Variants in PRKACB observed in about 807,000 individuals in gnomAD.
The protein encoded by PRKACB is cAMP-dependent protein kinase catalytic subunit beta.
In PRKACB, 16 loss-of-function variants were observed where a neutral mutation model predicts 51.4. That is an observed-to-expected ratio of 0.31 (90% CI 0.21 to 0.47). The LOEUF (loss-of-function observed/expected upper bound fraction) is 0.47. Ranked by LOEUF, PRKACB falls within the 20% of genes least tolerant of loss-of-function variation. The pLI, the probability that PRKACB is intolerant of heterozygous loss-of-function variation, is 1.00. For missense variants in PRKACB, 309 were observed against 464.5 expected (o/e 0.67, Z 3.08); for synonymous variants, 147 against 154.4 (o/e 0.95, Z 0.35).
intron 9 of PRKACB, among the ~76,000 whole-genome samples, chr1:84,226,242 G>C (rs1674571216): frequency 7.0e-6 from 1 of 143,726 alleles, no homozygotes; most frequent in Non-Finnish European, 1.5e-5. Context: ...TTCCTTTTTT[G>C]ATTAGACTTG....
chr1:84,100,636 G>A (rs1014246884), intron 1 of PRKACB, among the ~76,000 whole-genome samples: 1 of 152,070 alleles, frequency 6.6e-6, no homozygotes, highest in Non-Finnish European at 1.5e-5. Flanking sequence ...CCCTAACACA[G>A]TGAGGAAAAT....
chr1:84,095,212 G>A (rs1648829277), intron 1 of PRKACB, among the ~76,000 whole-genome samples: 1 of 150,862 alleles, frequency 6.6e-6, no homozygotes, highest in South Asian at 2.1e-4. Context: ...TTATTGTTCA[G>A]GGCCCTCAAT....
chr1:84,176,471 A>G (rs956683304), intron 1 of PRKACB, among the ~76,000 whole-genome samples: 6 of 151,820 alleles, frequency 4.0e-5, no homozygotes, highest in Non-Finnish European at 8.8e-5. Context: ...GAAATATTTT[A>G]TTTTTGGTAG....
At chr1:84,125,417 C>T (rs1275296594) in intron 1 of PRKACB, among the ~76,000 whole-genome samples, 1 of 152,162 alleles carries the variant, frequency 6.6e-6, no homozygotes, top group East Asian at 1.9e-4. Context: ...TAGATCGGGC[C>T]CACCTAAGTA....
chr1:84,079,764 C>T (rs979224336), intron 1 of PRKACB, among the ~76,000 whole-genome samples: 1 of 152,132 alleles, frequency 6.6e-6, no homozygotes, highest in African/African-American at 2.4e-5. Flanking sequence ...CTCCCAGGTT[C>T]AAGGGATTCT....
chr1:84,129,045 C>T (rs563737172), intron 1 of PRKACB, among the ~76,000 whole-genome samples: 9 of 152,136 alleles, frequency 5.9e-5, no homozygotes, highest in African/African-American at 2.2e-4. Flanking sequence ...ATTTGAATTC[C>T]TGGAAGAAAA....
At chr1:84,129,809 GAA>G (rs944952226) in intron 1 of PRKACB, among the ~76,000 whole-genome samples, 5 of 152,138 alleles carry the variant, frequency 3.3e-5, no homozygotes, top group Non-Finnish European at 7.3e-5. Context: ...ATCAAAACTT[GAA>G]AAGAGACAAA....
At chr1:84,113,945 A>G (rs1015962775) in intron 1 of PRKACB, among the ~76,000 whole-genome samples, 1 of 152,170 alleles carries the variant, frequency 6.6e-6, no homozygotes, top group African/African-American at 2.4e-5. Context: ...ATTAAAAATC[A>G]CCGAATTTTA....
intron 9 of PRKACB, among the ~76,000 whole-genome samples, chr1:84,215,766 G>C (rs1449914790): frequency 2.0e-5 from 3 of 152,112 alleles, no homozygotes; most frequent in Admixed American, 2.0e-4. Context: ...AGACATTTAA[G>C]AAAAGATTTT....
At chr1:84,183,152 T>C (rs1341664197) in intron 3 of PRKACB, among the ~76,000 whole-genome samples, 2 of 152,058 alleles carry the variant, frequency 1.3e-5, no homozygotes, top group African/African-American at 2.4e-5. Context: ...ATCCTCACAT[T>C]GACCATTAGA....
exon 1 of PRKACB, chr1:84,078,284 C>T: frequency 2.5e-6 from 4 of 1,576,474 alleles, no homozygotes; most frequent in Non-Finnish European, 1.7e-6. Flanking sequence ...CGGCCCCAGC[C>T]CCCCTTCCCT....
chr1:84,206,206 C>G lies in PRKACB; in HGVS notation c.906+3401C>G, dbSNP rs530782935. Among the ~76,000 whole-genome samples, 5 of 152,166 alleles carry G rather than the reference C, an allele frequency of 3.3e-5. No individual in the cohort carries two copies. In the East Asian group the frequency reaches 7.7e-4, roughly 24 times the overall value. On this transcript the variant is annotated intron_variant, in intron 8 of 9. Transcript: ENST00000370685. ...TATCTAATGTAAATATTGTTCCACTCCTAATGAGTAACAATATATAAGGAG... is the reference window on the plus strand; with the variant it reads ...TATCTAATGTAAATATTGTTCCACTGCTAATGAGTAACAATATATAAGGAG...
chr1:84,233,406 C>T (rs1676083539), intron 9 of PRKACB, among the ~76,000 whole-genome samples: 1 of 139,468 alleles, frequency 7.2e-6, no homozygotes, highest in Non-Finnish European at 1.5e-5. Flanking sequence ...AGTTGCTCTT[C>T]TCGAGGAGTA....
chr1:84,214,163 C>T lies in PRKACB; in HGVS notation c.917C>T (p.Pro306Leu). 1 of 1,605,778 alleles carries T rather than the reference C, an allele frequency of 6.2e-7. No homozygotes were observed. The highest frequency in any genetic ancestry group is 8.5e-7 in the Non-Finnish European group (1 of 1,176,406). The change falls in exon 9 of 10, where the codon CCA becomes CTA. Residue 306 changes from proline to leucine, a missense_variant. This residue lies in a region of PRKACB where 96 missense variants were observed against 129.9 expected (regional missense o/e 0.74). Transcript: ENST00000370685. ...GGTGTGTTTGTGTAGGTCCGATTCC[C>T]ATCCCACTTCAGTTCAGATCTCAAG... ...EKIVSGKVRF[P>L]SHFSSDLKDL...
At chr1:84,163,962 A>T (rs1042473567) in intron 1 of PRKACB, among the ~76,000 whole-genome samples, 1 of 151,978 alleles carries the variant, frequency 6.6e-6, no homozygotes, top group Non-Finnish European at 1.5e-5. Context: ...CCACCTTGCT[A>T]TACAATCTGT....
At position 84,124,033 on chromosome 1, in the gene PRKACB, G is replaced by C. The variant is rs376474594; in HGVS notation, c.46+45662G>C. ...TAATAAAGGGCCTTTATTTCTGTCT[G>C]TGACTCATCTTTTAGATACCTAAAG... is the stretch of plus-strand genomic sequence containing the variant. On this transcript the variant is annotated intron_variant, in intron 1 of 8. Coordinates refer to the PRKACB transcript ENST00000370688. 3.2e-4 allele frequency among the ~76,000 whole-genome samples: 48 copies of C among 152,214 alleles called. 1 individual carries two copies. In the East Asian group the frequency reaches 6.6e-3, roughly 21 times the overall value.
chr1:84,236,402 T>C lies in PRKACB; in HGVS notation c.*1097T>C, dbSNP rs1356103060. 6.6e-6 allele frequency: 1 copy of C among 152,650 alleles called. No homozygotes were observed. The highest frequency in any genetic ancestry group is 1.5e-5 in the Non-Finnish European group (1 of 68,028). The allele number at this position is 152,650 out of a possible 1,614,324, so 9.5% of individuals were successfully genotyped here. On this transcript the variant is annotated 3_prime_UTR_variant, in exon 10 of 10. Transcript: ENST00000370685. ...CCGTTAAAAAGAAGTTGTTTCCAGCTAATTATTGTGGTGTACTATATTTGT... is the reference window on the plus strand; with the variant it reads ...CCGTTAAAAAGAAGTTGTTTCCAGCCAATTATTGTGGTGTACTATATTTGT...
intron 9 of PRKACB, among the ~76,000 whole-genome samples, chr1:84,227,960 C>T (rs1674912830): frequency 6.6e-6 from 1 of 152,178 alleles, no homozygotes; most frequent in Non-Finnish European, 1.5e-5. Flanking sequence ...ACAACTCAAA[C>T]TGTACAATCA....
At chr1:84,197,650 A>G in intron 6 of PRKACB, 79 bp from the exon 7 acceptor site, 1 of 928,638 alleles carries the variant, frequency 1.1e-6, no homozygotes, top group Non-Finnish European at 1.6e-6. Flanking sequence ...TTTGAATTTT[A>G]AACTTTCAAC....
Sources: allele counts gnomAD v4.1 joint callset (sites outside exome capture counted in the v4.1 genomes callset), GRCh38; gene constraint gnomAD v4.1.1; regional missense constraint gnomAD v4.1.1; transcripts MANE v1.5; gene names NCBI Gene and HGNC (gene_info 2026-07-23, HGNC 2026-07-21).